The following SLC9C1 variants were observed in gnomAD, a reference collection of about 807,000 sequenced individuals.
The protein encoded by SLC9C1 is solute carrier family 9 member C1.
SLC9C1 carries 97 observed loss-of-function variants against 140.9 expected under a neutral mutation model. The observed-to-expected ratio is 0.69, with a 90% CI of 0.58 to 0.82. The LOEUF (loss-of-function observed/expected upper bound fraction) is 0.82. Among genes scored for constraint, SLC9C1 ranks in the 40% least tolerant of loss-of-function variants. The probability of loss-of-function intolerance (pLI) is 0.00; values close to 1 mark genes in which losing one functional copy is unlikely to be tolerated. For synonymous variants in SLC9C1, 440 were observed against 442.6 expected, an observed-to-expected ratio of 0.99 and a Z score of 0.07; for missense variants, 1,340 against 1,389.3, an observed-to-expected ratio of 0.96 and a Z score of 0.56.
rs1559747685 is a variant in SLC9C1, at chr3:112,278,862, T to C, written c.190-5A>G. The C allele has an allele frequency of 1.2e-6, 2 of 1,600,600 alleles. No homozygotes were observed. The highest frequency in any genetic ancestry group is 2.2e-5 in the East Asian group (1 of 44,524). On this transcript the variant is annotated splice_region_variant and splice_polypyrimidine_tract_variant and intron_variant, in intron 3 of 28. Coordinates refer to ENST00000305815, the MANE Select transcript of SLC9C1 (RefSeq NM_183061.3). ...GGCGTTTGCGTATCTTTGGACCTAATATTATACAAATATATCATCTTCTCA... is the reference window on the plus strand; with the variant it reads ...GGCGTTTGCGTATCTTTGGACCTAACATTATACAAATATATCATCTTCTCA...
At chr3:112,288,042 C>CAAAA (rs11462109) in intron 1 of SLC9C1, among the ~76,000 whole-genome samples, 7 of 81,774 alleles carry the variant, frequency 8.6e-5, no homozygotes, top group East Asian at 3.9e-4. Flanking sequence ...GACTCCGTCT[C>CAAAA]AAAAAAAAAA....
chr3:112,214,270 T>C (rs1279162361), intron 15 of SLC9C1, among the ~76,000 whole-genome samples: 3 of 152,144 alleles, frequency 2.0e-5, no homozygotes, highest in Admixed American at 2.0e-4. Flanking sequence ...AAATCTATAA[T>C]TGACACCCTA....
intron 15 of SLC9C1, among the ~76,000 whole-genome samples, chr3:112,214,072 C>T (rs1446944169): frequency 2.0e-5 from 3 of 152,220 alleles, no homozygotes; most frequent in African/African-American, 4.8e-5. Flanking sequence ...AATCGCTCAA[C>T]TACATGGAAA....
intron 12 of SLC9C1, 64 bp from the exon 13 acceptor site, chr3:112,231,550 C>A: frequency 1.3e-6 from 2 of 1,481,724 alleles, no homozygotes; most frequent in East Asian, 2.5e-5. Flanking sequence ...TTAGCAAAAT[C>A]CACAAGCAAT....
At chr3:112,152,058 G>T in intron 27 of SLC9C1, 95 bp from the exon 28 acceptor site, 1 of 896,418 alleles carries the variant, frequency 1.1e-6, no homozygotes, top group Non-Finnish European at 1.6e-6. Flanking sequence ...GCAAGGTGGA[G>T]ATGAGAGACT....
At chr3:112,182,049 A>G in intron 21 of SLC9C1, 84 bp downstream of exon 21, 1 of 1,034,124 alleles carries the variant, frequency 9.7e-7, no homozygotes. Context: ...ATATTAAACT[A>G]GAGAGTATCA....
At chr3:112,146,080 C>T (rs1374569588) in intron 28 of SLC9C1, among the ~76,000 whole-genome samples, 1 of 152,166 alleles carries the variant, frequency 6.6e-6, no homozygotes, top group Admixed American at 6.6e-5. Flanking sequence ...TACACCATTT[C>T]TTCTACATTT....
chr3:112,262,608 T>C (rs1469135772), intron 10 of SLC9C1, among the ~76,000 whole-genome samples: 1 of 151,956 alleles, frequency 6.6e-6, no homozygotes, highest in African/African-American at 2.4e-5. Flanking sequence ...CAGAAGGTAA[T>C]AGGGCCAATC....
intron 26 of SLC9C1, among the ~76,000 whole-genome samples, chr3:112,155,974 C>T (rs1294837249): frequency 6.6e-6 from 1 of 151,936 alleles, no homozygotes. Context: ...ATTGGGATAA[C>T]CATCACCTCA....
intron 6 of SLC9C1, among the ~76,000 whole-genome samples, chr3:112,274,585 C>G (rs940279674): frequency 3.9e-5 from 6 of 152,122 alleles, no homozygotes; most frequent in African/African-American, 1.4e-4. Context: ...GGCTTATCTT[C>G]TAAGCTCATC....
At chr3:112,274,566 G>A (rs2080163778) in intron 6 of SLC9C1, among the ~76,000 whole-genome samples, 1 of 152,098 alleles carries the variant, frequency 6.6e-6, no homozygotes, top group African/African-American at 2.4e-5. Flanking sequence ...ACTAGTGGAT[G>A]CACTATTTGG....
chr3:112,243,593 G>A (rs1290729219), intron 11 of SLC9C1, among the ~76,000 whole-genome samples: 1 of 151,896 alleles, frequency 6.6e-6, no homozygotes. Context: ...TCAAACCTCA[G>A]CATCACACAA....
intron 12 of SLC9C1, among the ~76,000 whole-genome samples, chr3:112,234,279 T>G (rs1560103847): frequency 6.6e-6 from 1 of 152,248 alleles, no homozygotes; most frequent in African/African-American, 2.4e-5. Context: ...ATAAATGTCT[T>G]CTTTTGAGAA....
chr3:112,255,249 T>C (rs2079573089), intron 10 of SLC9C1, among the ~76,000 whole-genome samples: 1 of 152,076 alleles, frequency 6.6e-6, no homozygotes, highest in African/African-American at 2.4e-5. Flanking sequence ...TGGACCTCTA[T>C]AGAATTCTCC....
At chr3:112,265,679 C>A (rs2079898989) in intron 8 of SLC9C1, among the ~76,000 whole-genome samples, 1 of 152,086 alleles carries the variant, frequency 6.6e-6, no homozygotes, top group South Asian at 2.1e-4. Context: ...GCTGAATTCC[C>A]TTGAGCAAGG....
At chr3:112,236,996 C>G (rs1326454353) in intron 12 of SLC9C1, among the ~76,000 whole-genome samples, 2 of 152,192 alleles carry the variant, frequency 1.3e-5, no homozygotes, top group African/African-American at 4.8e-5. Context: ...TGGTGCAGAG[C>G]TGAGCTCATT....
chr3:112,163,435 T>C (rs1350098451), intron 26 of SLC9C1, among the ~76,000 whole-genome samples: 1 of 150,554 alleles, frequency 6.6e-6, no homozygotes, highest in East Asian at 1.9e-4. Flanking sequence ...CTCTACACAC[T>C]GCTTTGAATG....
intron 15 of SLC9C1, among the ~76,000 whole-genome samples, chr3:112,211,437 C>T (rs953150833): frequency 3.9e-5 from 6 of 152,172 alleles, no homozygotes; most frequent in Non-Finnish European, 5.9e-5. Flanking sequence ...TGCAAGGGGT[C>T]GGGGGATTCC....
At chr3:112,162,482 G>C (rs6782851) in intron 26 of SLC9C1, among the ~76,000 whole-genome samples, 8,150 of 152,194 alleles carry the variant, frequency 0.054, 264 homozygotes, top group South Asian at 0.084. Flanking sequence ...TAGCATGAAG[G>C]GTTGTTGGAT....
Sources: allele counts gnomAD v4.1 joint callset (sites outside exome capture counted in the v4.1 genomes callset), GRCh38; gene constraint gnomAD v4.1.1; transcripts MANE v1.5; gene names NCBI Gene and HGNC (gene_info 2026-07-23, HGNC 2026-07-21).